The following C7orf33 variants were observed in gnomAD, a reference collection of about 807,000 sequenced individuals.
C7orf33 encodes chromosome 7 open reading frame 33, also known as uncharacterized protein C7orf33.
Under a neutral mutation model 13.4 loss-of-function variants are expected in C7orf33, and 15 were observed. The ratio of observed to expected loss-of-function variants is 1.12; its 90% CI spans 0.75 to 1.72. The LOEUF is 1.72. Ranked by LOEUF, C7orf33 falls within the 40% of genes most tolerant of loss-of-function variation. The probability of loss-of-function intolerance (pLI) is 0.00; values close to 1 mark genes in which losing one functional copy is unlikely to be tolerated. For missense variants in C7orf33, 187 were observed against 220.3 expected (o/e 0.85, Z 0.96); for synonymous variants, 73 against 83.2 (o/e 0.88, Z 0.67).
intron 1 of C7orf33, among the ~76,000 whole-genome samples, chr7:148,591,378 G>A (rs1422329577): frequency 6.6e-6 from 1 of 152,206 alleles, no homozygotes; most frequent in East Asian, 1.9e-4. Flanking sequence ...CCTGAGTCAT[G>A]TTGATTTGAA....
At chr7:148,593,801 G>A (rs1356803289) in intron 1 of C7orf33, among the ~76,000 whole-genome samples, 1 of 152,098 alleles carries the variant, frequency 6.6e-6, no homozygotes, top group Non-Finnish European at 1.5e-5. Context: ...CCAGAGAGAT[G>A]CCTGCTGGAA....
intron 1 of C7orf33, among the ~76,000 whole-genome samples, chr7:148,604,615 G>A (rs1796453318): frequency 6.6e-6 from 1 of 152,206 alleles, no homozygotes; most frequent in South Asian, 2.1e-4. Context: ...AGTGTACCCT[G>A]CTCAGGTGAT....
chr7:148,600,884 C>G (rs1286187375), intron 1 of C7orf33, among the ~76,000 whole-genome samples: 3 of 145,914 alleles, frequency 2.1e-5, no homozygotes, highest in African/African-American at 7.8e-5. Context: ...CTCACTGCAA[C>G]CTCCACCTCC....
At chr7:148,609,103 GAAA>G (rs59392988) in intron 1 of C7orf33, among the ~76,000 whole-genome samples, 11,887 of 131,326 alleles carry the variant, frequency 0.091, 1,006 homozygotes, top group African/African-American at 0.24. Flanking sequence ...ACGTTATTTT[GAAA>G]AAAAAAAAAA....
intron 1 of C7orf33, among the ~76,000 whole-genome samples, chr7:148,592,097 C>G (rs1291299317): frequency 1.3e-5 from 2 of 152,234 alleles, no homozygotes. Context: ...TTTGCCCACA[C>G]CCTCATTGTG....
At chr7:148,606,931 A>ACACACACACAC (rs1554449216) in intron 1 of C7orf33, among the ~76,000 whole-genome samples, 27 of 20,156 alleles carry the variant, frequency 1.3e-3, no homozygotes, top group African/African-American at 2.0e-3. Context: ...TTAAAAAAAA[A>ACACACACACAC]ATACACACAC....
intron 1 of C7orf33, among the ~76,000 whole-genome samples, chr7:148,591,440 C>T (rs971250238): frequency 1.3e-5 from 2 of 152,282 alleles, no homozygotes; most frequent in South Asian, 2.1e-4. Flanking sequence ...AGAAGGAATG[C>T]GCTTGTTCTC....
intron 1 of C7orf33, among the ~76,000 whole-genome samples, chr7:148,608,475 G>A (rs1014498297): frequency 6.6e-6 from 1 of 151,872 alleles, no homozygotes; most frequent in Non-Finnish European, 1.5e-5. Context: ...GCCTGCCAAA[G>A]TGACTCCAAT....
At chr7:148,601,352 T>A (rs1260178736) in intron 1 of C7orf33, among the ~76,000 whole-genome samples, 1 of 152,152 alleles carries the variant, frequency 6.6e-6, no homozygotes, top group East Asian at 1.9e-4. Context: ...TTTAAAATTT[T>A]TTTTATTTTT....
intron 1 of C7orf33, among the ~76,000 whole-genome samples, chr7:148,602,456 G>T (rs1489372655): frequency 6.6e-6 from 1 of 152,046 alleles, no homozygotes; most frequent in East Asian, 1.9e-4. Context: ...AACTAGCCAG[G>T]CGTGGTGGTG....
In C7orf33 at chr7:148,590,842, A is replaced by T; in HGVS notation, c.-84A>T. On this transcript the variant is annotated 5_prime_UTR_variant, in exon 1 of 3. Transcript: ENST00000307003. Reference sequence around the variant, plus strand: ...CTGAATCCTCCTACTGACCCTGGGGATCCGTGCGACTTGATCTTAGATATT... The same window carrying T: ...CTGAATCCTCCTACTGACCCTGGGGTTCCGTGCGACTTGATCTTAGATATT... 2 of 1,255,340 alleles carry T rather than the reference A, an allele frequency of 1.6e-6. No homozygotes were observed. The highest frequency in any genetic ancestry group is 2.5e-5 in the South Asian group (2 of 80,694). 77.8% of individuals were successfully genotyped at this position (1,255,340 alleles called of 1,614,324 possible).
intron 1 of C7orf33, among the ~76,000 whole-genome samples, chr7:148,605,139 C>T (rs958253083): frequency 4.6e-5 from 7 of 151,988 alleles, no homozygotes; most frequent in Non-Finnish European, 8.8e-5. Flanking sequence ...AGAAAAAACT[C>T]CTAATAGAAA....
chr7:148,611,728 G>A (rs775106155), intron 1 of C7orf33, among the ~76,000 whole-genome samples: 3 of 152,224 alleles, frequency 2.0e-5, no homozygotes, highest in Non-Finnish European at 4.4e-5. Flanking sequence ...TAGCACACAA[G>A]CCATCTGCAG....
At chr7:148,597,883 G>A (rs1444809521) in intron 1 of C7orf33, among the ~76,000 whole-genome samples, 1 of 152,140 alleles carries the variant, frequency 6.6e-6, no homozygotes, top group East Asian at 1.9e-4. Context: ...AGCCTCCCGA[G>A]TAGCTGGGAC....
chr7:148,606,930 A>G (rs1263984828), intron 1 of C7orf33, among the ~76,000 whole-genome samples: 1 of 129,502 alleles, frequency 7.7e-6, no homozygotes, highest in Admixed American at 8.5e-5. Context: ...TTTAAAAAAA[A>G]AATACACACA....
rs759489205 is a variant in C7orf33, at chr7:148,591,040, C to A, written c.115C>A (p.Arg39Ser). 4 of 1,614,138 alleles carry A rather than the reference C, an allele frequency of 2.5e-6. No individual in the cohort carries two copies. Among genetic ancestry groups the A allele is most frequent in the Non-Finnish European group, 3.4e-6 (4 of 1,180,024 alleles). The change falls in exon 1 of 3, where the codon CGC (arginine) becomes AGC (serine). Residue 39 changes from arginine (R) to serine (S), a missense_variant. Transcript: ENST00000307003. Reference sequence around the variant, plus strand: ...TGGGGCAAGGCGCCGGATTGACCTTCGCCTGAGTGGGAGGGCAGTCGCTGT... The same window carrying A: ...TGGGGCAAGGCGCCGGATTGACCTTAGCCTGAGTGGGAGGGCAGTCGCTGT... ...PSGARRRIDL[R>S]LSGRAVAVWV...
At chr7:148,594,176 T>C (rs573799432) in intron 1 of C7orf33, among the ~76,000 whole-genome samples, 58 of 149,856 alleles carry the variant, frequency 3.9e-4, no homozygotes, top group East Asian at 9.7e-4. Flanking sequence ...CTTTTCTTTT[T>C]TTTTTTTTTT....
intron 1 of C7orf33, among the ~76,000 whole-genome samples, chr7:148,592,897 A>G (rs543268750): frequency 5.3e-5 from 8 of 151,998 alleles, no homozygotes; most frequent in African/African-American, 1.4e-4. Context: ...CTGAAGTGCA[A>G]TGGCACGATC....
At chr7:148,611,541 C>T (rs1171169900) in intron 1 of C7orf33, among the ~76,000 whole-genome samples, 1 of 152,148 alleles carries the variant, frequency 6.6e-6, no homozygotes, top group African/African-American at 2.4e-5. Context: ...CTTCAACTTC[C>T]GGCTCCCCAT....
Sources: allele counts gnomAD v4.1 joint callset (sites outside exome capture counted in the v4.1 genomes callset), GRCh38; gene constraint gnomAD v4.1.1; transcripts MANE v1.5; gene names NCBI Gene and HGNC (gene_info 2026-07-23, HGNC 2026-07-21).